Variants in PDE10A observed in about 807,000 individuals in gnomAD.
The protein encoded by PDE10A is cAMP and cAMP-inhibited cGMP 3',5'-cyclic phosphodiesterase 10A.
In PDE10A, 39 loss-of-function variants were observed where a neutral mutation model predicts 97.7. That is an observed-to-expected ratio of 0.40 (90% CI 0.31 to 0.52). The LOEUF (loss-of-function observed/expected upper bound fraction) is 0.52, where lower values mean the gene tolerates loss of function less well. PDE10A is among the 20% of genes least tolerant of loss of function. The pLI is 0.56. For synonymous variants in PDE10A, 371 were observed against 376.8 expected (o/e 0.98, Z 0.18); for missense variants, 731 against 1,047.8 (o/e 0.70, Z 4.17).
intron 1 of PDE10A, among the ~76,000 whole-genome samples, chr6:165,815,037 T>C (rs1779373187): frequency 6.6e-6 from 1 of 152,154 alleles, no homozygotes; most frequent in Non-Finnish European, 1.5e-5. Context: ...AAAATGTCTA[T>C]GATTTTAATT....
rs926244433 is a variant in PDE10A, at chr6:165,329,396, G to A, written c.*3629C>T. On this transcript the variant is annotated 3_prime_UTR_variant, in exon 22 of 22. Coordinates refer to ENST00000539869, the MANE Select transcript of PDE10A (RefSeq NM_001385079.1). Reference sequence around the variant, plus strand: ...TGCAAATATTTTCAATTATACTTAAGCAAGAAAAGCAAAATAATAAATACA... The same window carrying A: ...TGCAAATATTTTCAATTATACTTAAACAAGAAAAGCAAAATAATAAATACA... The A allele has an allele frequency of 5.9e-5, 9 of 152,100 alleles. No individual in the cohort carries two copies. Among genetic ancestry groups the A allele is most frequent in the African/African-American group, 2.2e-4 (9 of 41,436 alleles). 9.4% of individuals were successfully genotyped at this position (152,100 alleles called of 1,614,324 possible). A position where few individuals can be genotyped will look rare whatever the true frequency, so the allele number is the denominator to read the frequency against.
At chr6:165,527,014 A>G (rs1317046379) in intron 2 of PDE10A, among the ~76,000 whole-genome samples, 4 of 152,192 alleles carry the variant, frequency 2.6e-5, no homozygotes, top group African/African-American at 9.7e-5. Flanking sequence ...TAGCAAACCC[A>G]CTAGACTTAT....
chr6:165,337,220 A>T (rs920584281), intron 20 of PDE10A, among the ~76,000 whole-genome samples: 2 of 152,160 alleles, frequency 1.3e-5, no homozygotes, highest in African/African-American at 4.8e-5. Context: ...TGAAGTCCAG[A>T]TGTAAAAGAT....
chr6:165,640,424 C>T (rs1358692993), intron 1 of PDE10A, among the ~76,000 whole-genome samples: 1 of 152,112 alleles, frequency 6.6e-6, no homozygotes, highest in Non-Finnish European at 1.5e-5. Context: ...TTTCATGTTA[C>T]TTTATCAGCA....
At chr6:165,678,236 T>TGTGTATCTGTGAATGTGTATCG (rs1790875257) in intron 1 of PDE10A, among the ~76,000 whole-genome samples, 1 of 146,204 alleles carries the variant, frequency 6.8e-6, no homozygotes, top group Non-Finnish European at 1.5e-5. Context: ...TGTGTGTATG[T>TGTGTATCTGTGAATGTGTATCG]GTGTATCTGT....
At chr6:165,395,376 C>A in intron 14 of PDE10A, 112 bp from the exon 15 acceptor site, 1 of 660,874 alleles carries the variant, frequency 1.5e-6, no homozygotes, top group South Asian at 2.0e-5. Flanking sequence ...ACTGGGAGCT[C>A]AGCCATCCCT....
intron 1 of PDE10A, among the ~76,000 whole-genome samples, chr6:165,970,371 TG>T (rs1784632122): frequency 6.6e-6 from 1 of 152,216 alleles, no homozygotes; most frequent in Non-Finnish European, 1.5e-5. Flanking sequence ...TTTTGGTAGT[TG>T]TAAGGTGATC....
chr6:165,461,566 G>C (rs1052353277), intron 3 of PDE10A, among the ~76,000 whole-genome samples: 1 of 152,164 alleles, frequency 6.6e-6, no homozygotes, highest in Non-Finnish European at 1.5e-5. Context: ...ACAGTTAATT[G>C]AAAATGCTCA....
intron 1 of PDE10A, among the ~76,000 whole-genome samples, chr6:165,794,143 ACT>A (rs1778748226): frequency 1.3e-5 from 2 of 150,724 alleles, no homozygotes; most frequent in Admixed American, 6.6e-5. Context: ...GCTCACACTC[ACT>A]CACACACACT....
upstream of PDE10A, among the ~76,000 whole-genome samples, chr6:165,665,053 T>C (rs142274512): frequency 6.6e-6 from 1 of 152,198 alleles, no homozygotes; most frequent in Non-Finnish European, 1.5e-5. Flanking sequence ...CTGTTTACCT[T>C]TCGTCCTTTT....
At chr6:165,641,715 T>C (rs1349852991) in intron 1 of PDE10A, among the ~76,000 whole-genome samples, 1 of 152,164 alleles carries the variant, frequency 6.6e-6, no homozygotes, top group African/African-American at 2.4e-5. Context: ...GCACCCACCG[T>C]GTGGTGATTC....
At chr6:165,524,706 G>C (rs1036731743) in intron 2 of PDE10A, among the ~76,000 whole-genome samples, 1 of 152,150 alleles carries the variant, frequency 6.6e-6, no homozygotes, top group Non-Finnish European at 1.5e-5. Context: ...TGAAATTGTG[G>C]AAAAACAGAC....
At chr6:165,909,992 A>G (rs770247713) in intron 1 of PDE10A, among the ~76,000 whole-genome samples, 1 of 152,026 alleles carries the variant, frequency 6.6e-6, no homozygotes, top group Non-Finnish European at 1.5e-5. Flanking sequence ...CACTCTCAAC[A>G]TATTTTTTAA....
chr6:165,558,871 C>T (rs1043520534), intron 1 of PDE10A, among the ~76,000 whole-genome samples: 1 of 152,140 alleles, frequency 6.6e-6, no homozygotes, highest in Non-Finnish European at 1.5e-5. Flanking sequence ...TTAATGAGTG[C>T]AGCACACCAA....
chr6:165,402,702 G>A (rs1392099882), intron 13 of PDE10A, among the ~76,000 whole-genome samples: 8 of 152,024 alleles, frequency 5.3e-5, no homozygotes, highest in Admixed American at 2.0e-4. Flanking sequence ...AAAACAAAAC[G>A]ATAAAGACAA....
chr6:165,985,012 T>A (rs1290984495), intron 1 of PDE10A, among the ~76,000 whole-genome samples: 2 of 152,162 alleles, frequency 1.3e-5, no homozygotes, highest in Non-Finnish European at 2.9e-5. Context: ...AGCCATTGCC[T>A]CCATTTTGGA....
At chr6:165,632,312 GA>G (rs1434035567) in intron 1 of PDE10A, among the ~76,000 whole-genome samples, 1 of 151,724 alleles carries the variant, frequency 6.6e-6, no homozygotes, top group Non-Finnish European at 1.5e-5. Context: ...TGAATCATAG[GA>G]AATTAAATTC....
chr6:165,453,007 T>A (rs1170850682), intron 3 of PDE10A, among the ~76,000 whole-genome samples: 4 of 152,144 alleles, frequency 2.6e-5, no homozygotes. Context: ...GCTATTCTGA[T>A]GAGGTATCAG....
chr6:165,858,290 C>G (rs1780805542), intron 1 of PDE10A, among the ~76,000 whole-genome samples: 1 of 152,232 alleles, frequency 6.6e-6, no homozygotes, highest in South Asian at 2.1e-4. Context: ...CTCAGGCCCT[C>G]AGCCCAGGTC....
Sources: gnomAD v4.1 joint callset for allele counts (sites outside exome capture counted in the v4.1 genomes callset) on GRCh38, gnomAD v4.1.1 for gene constraint, MANE v1.5 for transcripts, NCBI Gene and HGNC (gene_info 2026-07-23, HGNC 2026-07-21) for gene names.